SLC2A10: variants seen among roughly 807,000 people sequenced by gnomAD.
The protein encoded by SLC2A10 is solute carrier family 2, facilitated glucose transporter member 10.
SLC2A10 carries 25 observed loss-of-function variants against 32.1 expected under a neutral mutation model. The ratio of observed to expected loss-of-function variants is 0.78; its 90% CI spans 0.57 to 1.09. The LOEUF (loss-of-function observed/expected upper bound fraction) is 1.09. Ranked by LOEUF, SLC2A10 falls within the 50% of genes least tolerant of loss-of-function variation. The pLI, the probability that SLC2A10 is intolerant of heterozygous loss-of-function variation, is 0.00. For synonymous variants in SLC2A10, 332 were observed against 309.6 expected (o/e 1.07, Z -0.76); for missense variants, 673 against 686.5 (o/e 0.98, Z 0.22).
intron 1 of SLC2A10, 39 bp downstream of exon 1, chr20:46,709,779 C>G: frequency 6.5e-7 from 1 of 1,546,970 alleles, no homozygotes; most frequent in South Asian, 1.2e-5. Context: ...GAAGCCCGAC[C>G]CCTTCCCAGG....
intron 3 of SLC2A10, 55 bp downstream of exon 3, chr20:46,727,041 T>C (rs762779227): frequency 6.2e-6 from 10 of 1,612,690 alleles, no homozygotes; most frequent in Non-Finnish European, 8.5e-6. Context: ...CTCCCTACTC[T>C]AAAGCAGAAA....
At chr20:46,710,899 G>A (rs1978872302) in intron 1 of SLC2A10, among the ~76,000 whole-genome samples, 1 of 151,296 alleles carries the variant, frequency 6.6e-6, no homozygotes, top group African/African-American at 2.4e-5. Context: ...TTTTTTTTGA[G>A]ATGATCACTC....
At chr20:46,716,279 G>A (rs1038503919) in intron 1 of SLC2A10, among the ~76,000 whole-genome samples, 1 of 151,338 alleles carries the variant, frequency 6.6e-6, no homozygotes, top group South Asian at 2.1e-4. Context: ...TCAGCCTCCC[G>A]AGTAGCTGGG....
In SLC2A10 at chr20:46,726,324, G is replaced by C; in HGVS notation, c.1288G>C (p.Val430Leu). The C allele has an allele frequency of 1.2e-6, 2 of 1,607,420 alleles. No homozygotes were observed. Among genetic ancestry groups the C allele is most frequent in the South Asian group, 1.1e-5 (1 of 91,082 alleles). ...VSAFSFGFGP[V>L]TWLVLSEIYP... ...TGCCTTCTCCTTTGGGTTTGGGCCA[G>C]GTAAGTGGAGTTTTCTTGCAGGTGA... The change falls in exon 2 of 5, where the codon GTG (valine) becomes CTG (leucine). Residue 430 changes from valine to leucine, a missense_variant and splice_region_variant. Transcript: ENST00000359271.
intron 4 of SLC2A10, among the ~76,000 whole-genome samples, chr20:46,732,757 T>A (rs971807233): frequency 6.7e-6 from 1 of 150,332 alleles, no homozygotes; most frequent in Non-Finnish European, 1.5e-5. Context: ...TCTGGCTGAA[T>A]GAATGATGCT....
At chr20:46,722,554 T>G (rs1788612157) in intron 1 of SLC2A10, among the ~76,000 whole-genome samples, 1 of 152,228 alleles carries the variant, frequency 6.6e-6, no homozygotes, top group African/African-American at 2.4e-5. Flanking sequence ...TTTAAAGAAC[T>G]TACTGTAGAA....
Position 46,726,245 on chromosome 20 carries a change from G to C in SLC2A10, c.1209G>C (p.Arg403=), listed in dbSNP as rs965674341. The stretch of plus-strand genomic sequence containing the variant: ...TCCCTGGGCCCCCTCTGCCCGCTCG[G>C]GGGCATGCACTGCTGCGCTGGACCG... The part of the protein sequence containing the change: ...SALPGPPLPA[R]GHALLRWTAL... The change falls in exon 2 of 5, where the codon CGG becomes CGC. Residue 403 remains arginine (R), a synonymous_variant. Transcript: ENST00000359271. 1.2e-6 allele frequency: 2 copies of C among 1,613,576 alleles called. No individual in the cohort carries two copies. The highest frequency in any genetic ancestry group is 2.7e-5 in the African/African-American group (2 of 74,954).
intron 3 of SLC2A10, among the ~76,000 whole-genome samples, chr20:46,728,519 A>G (rs144499834): frequency 2.8e-3 from 432 of 152,044 alleles, no homozygotes; most frequent in African/African-American, 9.9e-3. Context: ...CTCTCTCCCA[A>G]ACCAGTCACA....
Position 46,729,502 on chromosome 20 carries a change from A to G in SLC2A10, c.1547+14A>G. ...CCAGAAGAGACGGTAGGAAGCTGAC[A>G]GGGTGGGTCTGGGGGAAGAGCTGTA... On this transcript the variant is annotated intron_variant, in intron 4 of 4. Transcript: ENST00000359271. The G allele has an allele frequency of 4.5e-6, 7 of 1,557,744 alleles. No homozygotes were observed. The highest frequency in any genetic ancestry group is 1.7e-5 in the Admixed American group (1 of 59,436).
chr20:46,730,381 G>A (rs1241187193), intron 4 of SLC2A10, among the ~76,000 whole-genome samples: 1 of 152,148 alleles, frequency 6.6e-6, no homozygotes, highest in African/African-American at 2.4e-5. Flanking sequence ...ATGAAGCAGA[G>A]CAAAATATGT....
In SLC2A10 at chr20:46,734,248, G is replaced by T. The variant is rs1248315391; in HGVS notation, c.*414G>T. ...CTTTTCTAATCTCTTTTTTCAACTGGCTGGGACATTTTCGGAAGGGGGAAG... is the reference window on the plus strand; with the variant it reads ...CTTTTCTAATCTCTTTTTTCAACTGTCTGGGACATTTTCGGAAGGGGGAAG... On this transcript the variant is annotated 3_prime_UTR_variant, in exon 5 of 5. Transcript: ENST00000359271. 3 of 217,868 alleles carry T rather than the reference G, an allele frequency of 1.4e-5. No homozygotes were observed. Among genetic ancestry groups the T allele is most frequent in the Non-Finnish European group, 2.8e-5 (3 of 108,138 alleles). The allele number at this position is 217,868 out of a possible 1,614,324, so 13.5% of individuals were successfully genotyped here.
intron 1 of SLC2A10, among the ~76,000 whole-genome samples, chr20:46,711,591 C>G (rs573659307): frequency 6.6e-6 from 1 of 152,166 alleles, no homozygotes; most frequent in Non-Finnish European, 1.5e-5. Flanking sequence ...TAAATCAACC[C>G]AACAGCCATT....
At chr20:46,727,696 A>T (rs1339396645) in intron 3 of SLC2A10, among the ~76,000 whole-genome samples, 3 of 151,994 alleles carry the variant, frequency 2.0e-5, no homozygotes, top group Non-Finnish European at 4.4e-5. Context: ...GTGTGGTGGG[A>T]TGGGGTGGAA....
chr20:46,730,169 C>T (rs978960372), intron 4 of SLC2A10, among the ~76,000 whole-genome samples: 10 of 152,110 alleles, frequency 6.6e-5, no homozygotes, highest in Non-Finnish European at 1.5e-4. Flanking sequence ...GCACGCAAAA[C>T]GCTTGTGGGC....
intron 1 of SLC2A10, among the ~76,000 whole-genome samples, chr20:46,710,729 C>T (rs372860928): frequency 7.2e-5 from 11 of 152,264 alleles, no homozygotes; most frequent in African/African-American, 2.2e-4. Context: ...CAGAGCACAG[C>T]GGGCAGGGCA....
intron 1 of SLC2A10, 87 bp downstream of exon 1, chr20:46,709,827 G>C (rs1163915213): frequency 6.7e-7 from 1 of 1,481,850 alleles, no homozygotes; most frequent in Non-Finnish European, 9.2e-7. Flanking sequence ...AAGAGTGCGC[G>C]CCCCCTGGCT....
At chr20:46,727,664 T>C (rs1169694335) in intron 3 of SLC2A10, among the ~76,000 whole-genome samples, 2 of 152,046 alleles carry the variant, frequency 1.3e-5, no homozygotes, top group Non-Finnish European at 1.5e-5. Flanking sequence ...TCTTCCTCCC[T>C]AGCATTGAAA....
intron 3 of SLC2A10, among the ~76,000 whole-genome samples, chr20:46,728,946 A>AT (rs113226911): frequency 8.3e-4 from 120 of 144,762 alleles, no homozygotes; most frequent in Middle Eastern, 3.5e-3. Flanking sequence ...ATTTCTAAGG[A>AT]TTTTTTTTTT....
chr20:46,716,660 AG>A (rs3091474), intron 1 of SLC2A10, among the ~76,000 whole-genome samples: 43,550 of 151,978 alleles, frequency 0.29, 7,122 homozygotes, highest in East Asian at 0.58. Flanking sequence ...TGCTGCCAAT[AG>A]GGTAGCCAGC....
Sources: gnomAD v4.1 joint callset for allele counts (sites outside exome capture counted in the v4.1 genomes callset) on GRCh38, gnomAD v4.1.1 for gene constraint, MANE v1.5 for transcripts, NCBI Gene and HGNC (gene_info 2026-07-23, HGNC 2026-07-21) for gene names.